ARHGAP10: variants seen among roughly 807,000 people sequenced by gnomAD.
ARHGAP10 encodes rho GTPase-activating protein 10.
A neutral mutation model predicts 108.6 loss-of-function variants in ARHGAP10; 87 were observed. The observed-to-expected ratio is 0.80, with a 90% CI of 0.67 to 0.96. The LOEUF (loss-of-function observed/expected upper bound fraction) is 0.96. Among genes scored for constraint, ARHGAP10 ranks in the 40% least tolerant of loss-of-function variants. ARHGAP10 has a pLI of 0.00. For missense variants in ARHGAP10, 939 were observed against 954.5 expected (o/e 0.98, Z 0.21); for synonymous variants, 347 against 341.1 (o/e 1.02, Z -0.19).
intron 4 of ARHGAP10, among the ~76,000 whole-genome samples, chr4:147,857,137 C>T (rs1248468376): frequency 2.0e-5 from 3 of 152,204 alleles, no homozygotes; most frequent in African/African-American, 7.2e-5. Flanking sequence ...CAGGTGTGAG[C>T]CACTGGCCTA....
intron 18 of ARHGAP10, among the ~76,000 whole-genome samples, chr4:147,982,257 T>G (rs1374982678): frequency 1.3e-5 from 2 of 152,178 alleles, no homozygotes; most frequent in African/African-American, 4.8e-5. Context: ...TGTAGCTACC[T>G]TTAAGATTTT....
At chr4:148,070,363 G>A (rs3884525) in intron 22 of ARHGAP10, among the ~76,000 whole-genome samples, 1 of 151,988 alleles carries the variant, frequency 6.6e-6, no homozygotes, top group Non-Finnish European at 1.5e-5. Flanking sequence ...CCAGGGAGGC[G>A]TTGAAGCCAG....
At chr4:147,766,594 ATG>A (rs1729825188) in intron 1 of ARHGAP10, among the ~76,000 whole-genome samples, 1 of 141,348 alleles carries the variant, frequency 7.1e-6, no homozygotes, top group Non-Finnish European at 1.5e-5. Context: ...ACATACATAT[ATG>A]TATGTGTGTA....
At chr4:147,862,452 T>C (rs555403532) in intron 5 of ARHGAP10, 2 of 152,578 alleles carry the variant, frequency 1.3e-5, no homozygotes, top group East Asian at 3.9e-4. Flanking sequence ...CCCTGATAAC[T>C]CTGTAGAAGT....
intron 1 of ARHGAP10, among the ~76,000 whole-genome samples, chr4:147,803,015 C>CT (rs36037094): frequency 0.015 from 2,125 of 146,258 alleles, 43 homozygotes; most frequent in African/African-American, 0.047. Flanking sequence ...TTGTTTATTG[C>CT]TTTTTTTTTT....
intron 5 of ARHGAP10, among the ~76,000 whole-genome samples, chr4:147,859,375 C>T (rs771169376): frequency 1.0e-4 from 15 of 150,750 alleles, no homozygotes; most frequent in African/African-American, 2.0e-4. Flanking sequence ...CGGATTCAAG[C>T]GATTTTCCTG....
intron 3 of ARHGAP10, among the ~76,000 whole-genome samples, chr4:147,828,353 G>A (rs1732808715): frequency 6.6e-6 from 1 of 152,186 alleles, no homozygotes; most frequent in Non-Finnish European, 1.5e-5. Flanking sequence ...AGCAATCCCT[G>A]TTGGTTTTGA....
chr4:147,979,796 AT>A (rs1486707567), intron 18 of ARHGAP10, among the ~76,000 whole-genome samples: 16 of 152,178 alleles, frequency 1.1e-4, no homozygotes, highest in Non-Finnish European at 1.5e-5. Context: ...GTGTGTGGCT[AT>A]TGTAAATGGG....
At chr4:147,738,604 G>A (rs1728527830) in intron 1 of ARHGAP10, among the ~76,000 whole-genome samples, 1 of 152,040 alleles carries the variant, frequency 6.6e-6, no homozygotes, top group African/African-American at 2.4e-5. Flanking sequence ...TTAAAAGTAG[G>A]ATTTGTTAAT....
chr4:148,003,286 G>T (rs1740805529), intron 18 of ARHGAP10, among the ~76,000 whole-genome samples: 1 of 152,172 alleles, frequency 6.6e-6, no homozygotes, highest in Non-Finnish European at 1.5e-5. Context: ...GAGATAGTTT[G>T]TTATAATTTC....
At chr4:147,752,842 G>A (rs1729217471) in intron 1 of ARHGAP10, among the ~76,000 whole-genome samples, 1 of 152,168 alleles carries the variant, frequency 6.6e-6, no homozygotes, top group Admixed American at 6.5e-5. Context: ...TACTATTAAT[G>A]CTGATCTGGG....
intron 1 of ARHGAP10, among the ~76,000 whole-genome samples, chr4:147,802,692 T>C (rs1731631082): frequency 6.6e-6 from 1 of 152,264 alleles, no homozygotes; most frequent in African/African-American, 2.4e-5. Flanking sequence ...TGGTTTTTTG[T>C]TGGGTCTCTA....
intron 18 of ARHGAP10, among the ~76,000 whole-genome samples, chr4:147,982,920 G>A (rs1739876511): frequency 6.6e-6 from 1 of 151,598 alleles, no homozygotes. Flanking sequence ...TCTTACTCTC[G>A]CCCAGGCTGG....
intron 3 of ARHGAP10, among the ~76,000 whole-genome samples, chr4:147,824,808 G>A (rs899649738): frequency 4.6e-5 from 7 of 152,184 alleles, no homozygotes; most frequent in African/African-American, 1.7e-4. Context: ...TGGAGTTTAC[G>A]CTTTCGTGTA....
Position 148,072,400 on chromosome 4 carries a change from G to A in ARHGAP10, c.*319G>A, listed in dbSNP as rs977772814. On this transcript the variant is annotated 3_prime_UTR_variant, in exon 23 of 23. Coordinates refer to ENST00000336498, the MANE Select transcript of ARHGAP10 (RefSeq NM_024605.4). ...AGGGCAGCCTTCTGCCACCTGTGTC[G>A]CCTCCACTGGCAGTCACGCCACCAG... The A allele has an allele frequency of 3.1e-5, 9 of 289,400 alleles. No individual in the cohort carries two copies. Among genetic ancestry groups the A allele is most frequent in the East Asian group, 2.6e-4 (4 of 15,130 alleles). The allele number at this position is 289,400 out of a possible 1,614,324, so 17.9% of individuals were successfully genotyped here.
At chr4:147,868,177 C>G (rs1254851636) in intron 7 of ARHGAP10, among the ~76,000 whole-genome samples, 1 of 151,606 alleles carries the variant, frequency 6.6e-6, no homozygotes, top group African/African-American at 2.4e-5. Flanking sequence ...TGGATTCATT[C>G]TAGTCACCCC....
At chr4:147,732,717 C>G in intron 1 of ARHGAP10, among the ~76,000 whole-genome samples, 1 of 152,252 alleles carries the variant, frequency 6.6e-6, no homozygotes, top group East Asian at 1.9e-4. Flanking sequence ...GCCTGGGCCC[C>G]GCCTGGCCCC....
chr4:147,784,638 A>G lies in ARHGAP10; in HGVS notation c.155-38089A>G, dbSNP rs1225507564. Among the ~76,000 whole-genome samples the G allele has an allele frequency of 1.8e-3, 132 of 72,752 alleles. 2 individuals carry two copies. In the South Asian group the frequency reaches 0.045, roughly 25 times the overall value. 47.7% of individuals were successfully genotyped at this position (72,752 alleles called of 152,430 possible). ...AGAATAAATATATATTATATATTAT[A>G]AATATAAAATATATATTATAAAATA... On this transcript the variant is annotated intron_variant, in intron 1 of 22. Coordinates refer to ENST00000336498, the MANE Select transcript of ARHGAP10 (RefSeq NM_024605.4).
At chr4:147,929,789 A>G (rs888224339) in intron 13 of ARHGAP10, among the ~76,000 whole-genome samples, 10 of 152,230 alleles carry the variant, frequency 6.6e-5, no homozygotes, top group African/African-American at 2.4e-4. Context: ...TAATGTTAGT[A>G]ATTATATATG....
Sources: gnomAD v4.1 joint callset for allele counts (sites outside exome capture counted in the v4.1 genomes callset) on GRCh38, gnomAD v4.1.1 for gene constraint, MANE v1.5 for transcripts, NCBI Gene and HGNC (gene_info 2026-07-23, HGNC 2026-07-21) for gene names.